RPGRIP1L: variants seen among roughly 807,000 people sequenced by gnomAD.
RPGRIP1L encodes the protein RPGRIP1 like.
RPGRIP1L carries 131 observed loss-of-function variants against 160.4 expected under a neutral mutation model. The observed-to-expected ratio is 0.82, with a 90% confidence interval of 0.71 to 0.94. The LOEUF (loss-of-function observed/expected upper bound fraction) is 0.94. Ranked by LOEUF, RPGRIP1L falls within the 40% of genes least tolerant of loss-of-function variation. RPGRIP1L has a pLI of 0.00. For synonymous variants in RPGRIP1L, 510 were observed against 515.8 expected (o/e 0.99, Z 0.15); for missense variants, 1,522 against 1,535.8 (o/e 0.99, Z 0.15).
At chr16:53,685,036 C>A (rs535136560) in intron 6 of RPGRIP1L, among the ~76,000 whole-genome samples, 2 of 151,924 alleles carry the variant, frequency 1.3e-5, no homozygotes, top group East Asian at 3.9e-4. Context: ...CCAAACAACC[C>A]CATTACAAAG....
At chr16:53,664,590 G>C (rs1968078578) in intron 10 of RPGRIP1L, among the ~76,000 whole-genome samples, 1 of 152,134 alleles carries the variant, frequency 6.6e-6, no homozygotes, top group African/African-American at 2.4e-5. Context: ...CTTCTCAACT[G>C]TTGAGTAAAG....
chr16:53,698,719 G>A (rs1971098376), intron 2 of RPGRIP1L, among the ~76,000 whole-genome samples: 1 of 148,172 alleles, frequency 6.7e-6, no homozygotes, highest in Non-Finnish European at 1.5e-5. Flanking sequence ...AGGGAGGTGG[G>A]GGGGTCAGCA....
chr16:53,658,573 A>T lies in RPGRIP1L; in HGVS notation c.1351-109T>A, dbSNP rs1967471570. ...AAACATAAACTGACTGATGCCATGAACTAACAAACTAAGTCTACAAGACAT... is the reference window on the plus strand; with the variant it reads ...AAACATAAACTGACTGATGCCATGATCTAACAAACTAAGTCTACAAGACAT... On this transcript the variant is annotated intron_variant, in intron 11 of 26. Transcript: ENST00000647211. 4 of 940,502 alleles carry T rather than the reference A, an allele frequency of 4.3e-6. No homozygotes were observed. In the African/African-American group the frequency reaches 4.9e-5, roughly 11 times the overall value. The allele number at this position is 940,502 out of a possible 1,614,324, so 58.3% of individuals were successfully genotyped here.
rs1195762922 is a variant in RPGRIP1L, at chr16:53,599,285, TAA to T, written c.*2789_*2790del. 2 of 152,224 alleles carry T rather than the reference TAA, an allele frequency of 1.3e-5. No homozygotes were observed. The highest frequency in any genetic ancestry group is 4.8e-5 in the African/African-American group (2 of 41,460). 9.4% of individuals were successfully genotyped at this position (152,224 alleles called of 1,614,324 possible). ...ATTAAACATATTCTTTATGTATTTTTAAAAAAACTAATTTAAGTTAAATGGCA... is the reference window on the plus strand; with the variant it reads ...ATTAAACATATTCTTTATGTATTTTTAAAAACTAATTTAAGTTAAATGGCA... On this transcript the variant is annotated 3_prime_UTR_variant, in exon 27 of 27. Transcript: ENST00000647211.
intron 17 of RPGRIP1L, 51 bp downstream of exon 17, chr16:53,645,574 A>G: frequency 6.5e-7 from 1 of 1,544,106 alleles, no homozygotes; most frequent in Admixed American, 1.8e-5. Context: ...ACACTAAGGT[A>G]TAATTTTGTT....
intron 22 of RPGRIP1L, among the ~76,000 whole-genome samples, chr16:53,623,328 T>C (rs1306282415): frequency 6.6e-6 from 1 of 152,180 alleles, no homozygotes; most frequent in Non-Finnish European, 1.5e-5. Flanking sequence ...GACTATTAGA[T>C]TGCTCATTGC....
chr16:53,634,174 G>C (rs1454310035), intron 22 of RPGRIP1L, among the ~76,000 whole-genome samples: 1 of 152,142 alleles, frequency 6.6e-6, no homozygotes, highest in Non-Finnish European at 1.5e-5. Context: ...AGAAGAGCAA[G>C]ATAACTTCTC....
At chr16:53,621,329 AC>A (rs1964691228) in intron 23 of RPGRIP1L, among the ~76,000 whole-genome samples, 1 of 152,012 alleles carries the variant, frequency 6.6e-6, no homozygotes, top group Admixed American at 6.6e-5. Flanking sequence ...AAATAACAAA[AC>A]CCCAAACACC....
At chr16:53,689,370 C>T (rs1365325620) in intron 4 of RPGRIP1L, among the ~76,000 whole-genome samples, 3 of 151,984 alleles carry the variant, frequency 2.0e-5, no homozygotes, top group Non-Finnish European at 4.4e-5. Flanking sequence ...TATCTATGTG[C>T]CCATTAACCA....
At chr16:53,683,670 T>C (rs1598395869) in intron 6 of RPGRIP1L, among the ~76,000 whole-genome samples, 1 of 148,808 alleles carries the variant, frequency 6.7e-6, no homozygotes, top group African/African-American at 2.5e-5. Context: ...TACTATTCTC[T>C]ACTTTTGAGT....
intron 23 of RPGRIP1L, among the ~76,000 whole-genome samples, chr16:53,621,255 T>TAAA (rs1194573634): frequency 6.6e-6 from 1 of 152,140 alleles, no homozygotes; most frequent in African/African-American, 2.4e-5. Context: ...TGCAACTCTT[T>TAAA]AAAGTTTAAA....
At chr16:53,680,516 A>T (rs1969521988) in intron 6 of RPGRIP1L, among the ~76,000 whole-genome samples, 2 of 151,976 alleles carry the variant, frequency 1.3e-5, no homozygotes, top group Admixed American at 6.6e-5. Context: ...ACAACACGTG[A>T]CCCTCGACTG....
chr16:53,607,465 T>C (rs1429813554), intron 25 of RPGRIP1L, among the ~76,000 whole-genome samples: 2 of 152,188 alleles, frequency 1.3e-5, no homozygotes, highest in Non-Finnish European at 2.9e-5. Context: ...GAAGTTTTCC[T>C]AAAATGAATT....
In RPGRIP1L at chr16:53,604,319, G is replaced by A. The variant is rs550426348; in HGVS notation, c.3835+1162C>T. 4.3e-4 allele frequency among the ~76,000 whole-genome samples: 65 copies of A among 152,332 alleles called. No individual in the cohort carries two copies. In the South Asian group the frequency reaches 6.4e-3, roughly 15 times the overall value. ...CAATGAACCAGGGCTGAACTACAGC[G>A]TAAGCAGAATGCCTGGCACATAAGA... is the stretch of plus-strand genomic sequence containing the variant. On this transcript the variant is annotated intron_variant, in intron 26 of 26. Transcript: ENST00000647211.
Position 53,600,316 on chromosome 16 carries a change from A to C in RPGRIP1L, c.*1760T>G, listed in dbSNP as rs1479720495. On this transcript the variant is annotated 3_prime_UTR_variant, in exon 27 of 27. Coordinates refer to ENST00000647211, the MANE Select transcript of RPGRIP1L (RefSeq NM_015272.5). ...AAAAAATGAGCTCAGAGCCAGCCGA[A>C]GTGACAACAAACATGTGGTTGTTTA... 3.9e-5 allele frequency: 6 copies of C among 152,688 alleles called. No individual in the cohort carries two copies. Among genetic ancestry groups the C allele is most frequent in the Non-Finnish European group, 7.3e-5 (5 of 68,054 alleles). 9.5% of individuals were successfully genotyped at this position (152,688 alleles called of 1,614,324 possible).
At chr16:53,686,866 G>A (rs1289656143) in intron 5 of RPGRIP1L, among the ~76,000 whole-genome samples, 3 of 152,128 alleles carry the variant, frequency 2.0e-5, no homozygotes, top group Non-Finnish European at 2.9e-5. Context: ...TACTATGTAT[G>A]CCACAATCTG....
At position 53,672,945 on chromosome 16, in the gene RPGRIP1L, T is replaced by G; in HGVS notation, c.954A>C (p.Lys318Asn). The G allele has an allele frequency of 6.2e-7, 1 of 1,613,262 alleles. No homozygotes were observed. Among genetic ancestry groups the G allele is most frequent in the Non-Finnish European group, 8.5e-7 (1 of 1,179,490 alleles). The change falls in exon 8 of 27, where the codon AAA (lysine) becomes AAC (asparagine). Residue 318 changes from lysine (K) to asparagine (N), a missense_variant. Transcript: ENST00000647211. The stretch of plus-strand genomic sequence containing the variant: ...GACTGCAGCATTTTAAACGCTGCTC[T>G]TTAAGTTGCATGTTTAATTCATCCC... The part of the protein sequence containing the change: ...ANGDELNMQL[K>N]EQRLKCCSLE...
chr16:53,665,029 T>C lies in RPGRIP1L; in HGVS notation c.1104-20A>G, dbSNP rs1383059100. 6.2e-7 allele frequency: 1 copy of C among 1,613,072 alleles called. No individual in the cohort carries two copies. Among genetic ancestry groups the C allele is most frequent in the Non-Finnish European group, 8.5e-7 (1 of 1,179,780 alleles). On this transcript the variant is annotated intron_variant, in intron 9 of 26. Transcript: ENST00000647211. ...AAGGCACTGCAAAACACACGTGACATGCAAGGAAAGCTTGGAAATCAGCTT... is the reference window on the plus strand; with the variant it reads ...AAGGCACTGCAAAACACACGTGACACGCAAGGAAAGCTTGGAAATCAGCTT...
At chr16:53,635,441 C>G (rs1965782082) in intron 22 of RPGRIP1L, 1 of 152,118 alleles carries the variant, frequency 6.6e-6, no homozygotes, top group Admixed American at 6.6e-5. Flanking sequence ...CTGAAATGTT[C>G]TGTTCTATTG....
Sources: gnomAD v4.1 joint callset for allele counts (sites outside exome capture counted in the v4.1 genomes callset) on GRCh38, gnomAD v4.1.1 for gene constraint, MANE v1.5 for transcripts, NCBI Gene and HGNC (gene_info 2026-07-23, HGNC 2026-07-21) for gene names.